The following FGL1 variants were observed in gnomAD, a reference collection of about 807,000 sequenced individuals.
The protein encoded by FGL1 is fibrinogen like 1.
A neutral mutation model predicts 43.7 loss-of-function variants in FGL1; 59 were observed. That is an observed-to-expected ratio of 1.35 (90% CI 1.10 to 1.68). The LOEUF (loss-of-function observed/expected upper bound fraction) is 1.68. Ranked by LOEUF, FGL1 falls within the 40% of genes most tolerant of loss-of-function variation. The pLI is 0.00. For missense variants in FGL1, 596 were observed against 373.0 expected (o/e 1.60, Z -4.92); for synonymous variants, 192 against 126.5 (o/e 1.52, Z -3.48).
rs752088937 is a variant in FGL1 at position 17,868,898 on chromosome 8, C to G, written c.591+18G>C. The G allele has an allele frequency of 5.8e-6, 9 of 1,563,096 alleles. No individual in the cohort carries two copies. The highest frequency in any genetic ancestry group is 1.7e-4 in the Middle Eastern group (1 of 5,882). ...TAAGCATTTATTCACGGTTTTACTTCTTAGAAAATTGTAGTACCTTTTCAT... is the reference window on the plus strand; with the variant it reads ...TAAGCATTTATTCACGGTTTTACTTGTTAGAAAATTGTAGTACCTTTTCAT... On this transcript the variant is annotated intron_variant, in intron 6 of 7. Transcript: ENST00000427924.
At chr8:17,879,609 G>A (rs1374881133) in intron 3 of FGL1, among the ~76,000 whole-genome samples, 2 of 152,086 alleles carry the variant, frequency 1.3e-5, no homozygotes, top group Admixed American at 6.5e-5. Flanking sequence ...TTCCCACCAT[G>A]TGAGATGTGC....
At chr8:17,885,718 C>G in intron 1 of FGL1, 147 bp from the exon 2 acceptor site, 2 of 614,528 alleles carry the variant, frequency 3.3e-6, no homozygotes, top group Non-Finnish European at 5.7e-6. Flanking sequence ...CCCAGACTTT[C>G]CCAGCCTCTC....
At chr8:17,883,521 A>T (rs1033730900) in intron 2 of FGL1, among the ~76,000 whole-genome samples, 2 of 135,316 alleles carry the variant, frequency 1.5e-5, no homozygotes, top group African/African-American at 5.5e-5. Flanking sequence ...AATATAATGT[A>T]ATATAATTGT....
At position 17,868,968 on chromosome 8, in the gene FGL1, T is replaced by C; in HGVS notation, c.539A>G (p.Glu180Gly). The change falls in exon 6 of 8, where the codon GAA (glutamate) becomes GGA (glycine). Residue 180 changes from glutamate (E) to glycine (G), a missense_variant. Coordinates refer to ENST00000427924, the MANE Select transcript of FGL1 (RefSeq NM_004467.4). ...YTLKIDLADF[E>G]KNSRYAQYKN... ...ATATTGTGCATAACGGCTATTTTTTTCAAAATCTGCAAGGTCGATTTTTAA... is the reference window on the plus strand; with the variant it reads ...ATATTGTGCATAACGGCTATTTTTTCCAAAATCTGCAAGGTCGATTTTTAA... The C allele has an allele frequency of 6.2e-7, 1 of 1,606,076 alleles. No individual in the cohort carries two copies. The highest frequency in any genetic ancestry group is 1.1e-5 in the South Asian group (1 of 88,494).
In FGL1 at chr8:17,867,702, G is replaced by A. The variant is rs753535646; in HGVS notation, c.779+846C>T. On this transcript the variant is annotated intron_variant, in intron 7 of 7. Transcript: ENST00000427924. ...CAGGGAGGGCTTTCAGCGTGGATAC[G>A]CTAGACAGAGGGGTGACCCACCTCC... is the stretch of plus-strand genomic sequence containing the variant. Among the ~76,000 whole-genome samples, 5 of 152,270 alleles carry A rather than the reference G, an allele frequency of 3.3e-5. No individual in the cohort carries two copies. In the South Asian group the frequency reaches 6.2e-4, roughly 19 times the overall value.
At chr8:17,872,014 C>G (rs747232156) in intron 5 of FGL1, among the ~76,000 whole-genome samples, 1 of 152,030 alleles carries the variant, frequency 6.6e-6, no homozygotes, top group Non-Finnish European at 1.5e-5. Flanking sequence ...GCAAATGAAA[C>G]AGAAGTTGGT....
intron 1 of FGL1, among the ~76,000 whole-genome samples, chr8:17,885,968 G>T (rs2053622167): frequency 6.6e-6 from 1 of 152,148 alleles, no homozygotes; most frequent in Non-Finnish European, 1.5e-5. Flanking sequence ...TTGTGAGGCT[G>T]GTCTCAAACT....
At chr8:17,870,852 G>T (rs2053347810) in intron 5 of FGL1, among the ~76,000 whole-genome samples, 1 of 151,814 alleles carries the variant, frequency 6.6e-6, no homozygotes, top group East Asian at 1.9e-4. Flanking sequence ...GTTGCAGTGA[G>T]CCGAGATCGC....
At chr8:17,875,551 T>TCTCTC (rs2053440430) in intron 3 of FGL1, among the ~76,000 whole-genome samples, 1 of 16,720 alleles carries the variant, frequency 6.0e-5, no homozygotes, top group African/African-American at 1.6e-4. Flanking sequence ...CTTTCTTTCT[T>TCTCTC]TCTTTCTTTC....
chr8:17,887,963 T>C (rs963384780), intron 1 of FGL1, among the ~76,000 whole-genome samples: 2 of 151,758 alleles, frequency 1.3e-5, no homozygotes, highest in Non-Finnish European at 2.9e-5. Context: ...TTAGTAAATA[T>C]TTTTTCTTTA....
chr8:17,881,608 C>T (rs1357874550), intron 3 of FGL1, among the ~76,000 whole-genome samples: 5 of 151,278 alleles, frequency 3.3e-5, no homozygotes, highest in South Asian at 2.1e-4. Context: ...CCGAGGCAGG[C>T]GAATCACAAG....
intron 3 of FGL1, among the ~76,000 whole-genome samples, chr8:17,879,214 G>A (rs1362606873): frequency 1.3e-5 from 2 of 151,506 alleles, no homozygotes; most frequent in African/African-American, 4.9e-5. Context: ...TGTTTTTTCT[G>A]AAGCATCTCT....
chr8:17,880,100 G>T (rs138137104), intron 3 of FGL1, among the ~76,000 whole-genome samples: 8 of 152,248 alleles, frequency 5.3e-5, no homozygotes, highest in Non-Finnish European at 1.2e-4. Flanking sequence ...AACTGTCCCT[G>T]GTTCCTCTTG....
Position 17,874,079 on chromosome 8 carries a change from C to A in FGL1, c.442G>T (p.Val148Phe), listed in dbSNP as rs566312769. 6 of 1,610,544 alleles carry A rather than the reference C, an allele frequency of 3.7e-6. No homozygotes were observed. The South Asian group carries it at 6.6e-5, about 18-fold the overall frequency. ...AGCCAATATTCACCATGTTTTTGGACAAAATTTCCAAAGCCATTTTCATAG... is the reference window on the plus strand; with the variant it reads ...AGCCAATATTCACCATGTTTTTGGAAAAAATTTCCAAAGCCATTTTCATAG... ...KDYENGFGNF[V>F]QKHGEYWLGN... Residue 148 changes from valine to phenylalanine, a missense_variant, in exon 5 of 8, where the codon GTC becomes TTC. Coordinates refer to ENST00000427924, the MANE Select transcript of FGL1 (RefSeq NM_004467.4).
chr8:17,866,455 G>C (rs1419243419), intron 7 of FGL1, among the ~76,000 whole-genome samples: 2 of 152,212 alleles, frequency 1.3e-5, no homozygotes, highest in Admixed American at 1.3e-4. Context: ...AGGAAGAAAA[G>C]ATGATAGTCG....
chr8:17,881,962 T>C (rs1161324565), intron 3 of FGL1, 37 bp downstream of exon 3: 1 of 1,585,736 alleles, frequency 6.3e-7, no homozygotes, highest in Admixed American at 1.7e-5. Flanking sequence ...GTGCATAATG[T>C]AAGTTATAGA....
intron 2 of FGL1, among the ~76,000 whole-genome samples, chr8:17,884,730 A>G (rs73580113): frequency 0.078 from 11,908 of 152,260 alleles, 949 homozygotes; most frequent in African/African-American, 0.2. Flanking sequence ...TCACAGGTCA[A>G]GTATGCCCAA....
At chr8:17,890,201 C>T (rs1457911299) in intron 1 of FGL1, among the ~76,000 whole-genome samples, 1 of 152,138 alleles carries the variant, frequency 6.6e-6, no homozygotes, top group Non-Finnish European at 1.5e-5. Flanking sequence ...CATTTCTCAC[C>T]ACCTCTATTG....
At position 17,882,191 on chromosome 8, in the gene FGL1, G is replaced by T. The variant is rs1356814358; in HGVS notation, c.64-12C>A. On this transcript the variant is annotated splice_polypyrimidine_tract_variant and intron_variant, in intron 2 of 7. Coordinates refer to ENST00000427924, the MANE Select transcript of FGL1 (RefSeq NM_004467.4). ...CAGTCCTCGAGCGCCTGCAAAACAG[G>T]TGAGATGAGATGAGTATGCACCTCA... 2 of 1,610,484 alleles carry T rather than the reference G, an allele frequency of 1.2e-6. No homozygotes were observed. The highest frequency in any genetic ancestry group is 1.7e-6 in the Non-Finnish European group (2 of 1,178,814).
Sources: gnomAD v4.1 joint callset for allele counts (sites outside exome capture counted in the v4.1 genomes callset) on GRCh38, gnomAD v4.1.1 for gene constraint, MANE v1.5 for transcripts, NCBI Gene and HGNC (gene_info 2026-07-23, HGNC 2026-07-21) for gene names.